The following DPP9 variants were observed in gnomAD, a reference collection of about 807,000 sequenced individuals.
The protein encoded by DPP9 is dipeptidyl peptidase 9.
Under a neutral mutation model 110.7 loss-of-function variants are expected in DPP9, and 50 were observed. That is an observed-to-expected ratio of 0.45 (90% CI 0.36 to 0.57). The LOEUF (loss-of-function observed/expected upper bound fraction) is 0.57. Among genes scored for constraint, DPP9 ranks in the 20% least tolerant of loss-of-function variants. DPP9 has a pLI of 0.00. For synonymous variants in DPP9, 561 were observed against 514.4 expected, an observed-to-expected ratio of 1.09 and a Z score of -1.23; for missense variants, 1,022 against 1,217.9, an observed-to-expected ratio of 0.84 and a Z score of 2.39.
Position 4,682,138 on chromosome 19 carries a change from G to A in DPP9, c.2474+558C>T, listed in dbSNP as rs140682646. On this transcript the variant is annotated intron_variant, in intron 20 of 21. Coordinates refer to ENST00000262960, the MANE Select transcript of DPP9 (RefSeq NM_139159.5). This position sits in a 1 kb window ranked among gnomAD's most constrained non-coding sequence, Gnocchi z 7.1. Reference sequence around the variant, plus strand: ...GCTGGGATTACAGGAGTGAGCCACCGCGCCCGGCCCATGCCCAGGCAGATT... The same window carrying A: ...GCTGGGATTACAGGAGTGAGCCACCACGCCCGGCCCATGCCCAGGCAGATT... 1.7e-3 allele frequency among the ~76,000 whole-genome samples: 255 copies of A among 152,228 alleles called. 2 individuals are homozygous for A. In the East Asian group the frequency reaches 0.022, roughly 13 times the overall value.
At chr19:4,720,520 G>A (rs1467942) in intron 2 of DPP9, among the ~76,000 whole-genome samples, 95,627 of 151,346 alleles carry the variant, frequency 0.63, 30,457 homozygotes, top group Middle Eastern at 0.77. Context: ...ATGCTACCTG[G>A]CGACCCCCAT....
In DPP9 at chr19:4,682,184, C is replaced by T. The variant is rs2089998935; in HGVS notation, c.2474+512G>A. Among the ~76,000 whole-genome samples, 3 of 152,120 alleles carry T rather than the reference C, an allele frequency of 2.0e-5. No individual in the cohort carries two copies. Among genetic ancestry groups the T allele is most frequent in the African/African-American group, 7.2e-5 (3 of 41,412 alleles). On this transcript the variant is annotated intron_variant, in intron 20 of 21. Coordinates refer to ENST00000262960, the MANE Select transcript of DPP9 (RefSeq NM_139159.5). The surrounding 1 kb of genome is among the most constrained non-coding windows in gnomAD (Gnocchi z 7.1). ...AGATTTTTAACCCCCTAGGTGACTG[C>T]ATGGGATTCCGGGGAACATTTTCTG...
Position 4,693,542 on chromosome 19 carries a change from C to T in DPP9, c.1516+1119G>A, listed in dbSNP as rs533687611. Among the ~76,000 whole-genome samples the T allele has an allele frequency of 6.6e-6, 1 of 152,282 alleles. No homozygotes were observed. Among genetic ancestry groups the T allele is most frequent in the South Asian group, 2.1e-4 (1 of 4,832 alleles). On this transcript the variant is annotated intron_variant, in intron 13 of 21. Coordinates refer to ENST00000262960, the MANE Select transcript of DPP9 (RefSeq NM_139159.5). This position sits in a 1 kb window ranked among gnomAD's most constrained non-coding sequence, Gnocchi z 5.0. ...GGAGCCCTCCGGGCATCCATGCCGCCTCCCTCCTCTCTGATCCCCCACCCT... is the reference window on the plus strand; with the variant it reads ...GGAGCCCTCCGGGCATCCATGCCGCTTCCCTCCTCTCTGATCCCCCACCCT...
At position 4,684,099 on chromosome 19, in the gene DPP9, C is replaced by T. The variant is rs1313658628; in HGVS notation, c.2179-470G>A. ...TCCGTGCTGAGATCACTACTGCGGC[C>T]TTCAAGCGACTGATCCATGGGGCCC... On this transcript the variant is annotated intron_variant, in intron 18 of 21. Transcript: ENST00000262960. This position sits in a 1 kb window ranked among gnomAD's most constrained non-coding sequence, Gnocchi z 4.8. The T allele has an allele frequency of 9.2e-6, 3 of 325,828 alleles. No individual in the cohort carries two copies. The highest frequency in any genetic ancestry group is 4.0e-5 in the Admixed American group (1 of 25,046). The allele number at this position is 325,828 out of a possible 1,614,324, so 20.2% of individuals were successfully genotyped here. A position where few individuals can be genotyped will look rare whatever the true frequency, so the allele number is the denominator to read the frequency against.
At chr19:4,705,084 G>C (rs368514056) in intron 5 of DPP9, among the ~76,000 whole-genome samples, 1 of 152,194 alleles carries the variant, frequency 6.6e-6, no homozygotes, top group Admixed American at 6.5e-5. Flanking sequence ...TGGGGACTCA[G>C]AGACAGGCCA....
chr19:4,710,612 C>T lies in DPP9; in HGVS notation c.313+3469G>A, dbSNP rs1024516230. 6.6e-6 allele frequency among the ~76,000 whole-genome samples: 1 copy of T among 152,220 alleles called. No individual in the cohort carries two copies. The highest frequency in any genetic ancestry group is 1.5e-5 in the Non-Finnish European group (1 of 68,040). Reference sequence around the variant, plus strand: ...TAGCTCCACATGCCCCACAGCAAACCTGGTGCCTGCTGAGGGGACAGGTCC... The same window carrying T: ...TAGCTCCACATGCCCCACAGCAAACTTGGTGCCTGCTGAGGGGACAGGTCC... On this transcript the variant is annotated intron_variant, in intron 4 of 21. Coordinates refer to ENST00000262960, the MANE Select transcript of DPP9 (RefSeq NM_139159.5). The surrounding 1 kb of genome is among the most constrained non-coding windows in gnomAD (Gnocchi z 5.6).
At chr19:4,691,914 G>A (rs999517078) in intron 13 of DPP9, among the ~76,000 whole-genome samples, 1 of 151,920 alleles carries the variant, frequency 6.6e-6, no homozygotes, top group African/African-American at 2.4e-5. Flanking sequence ...CTGACCTCAG[G>A]TGATCCACCT....
At position 4,675,339 on chromosome 19, in the gene DPP9, C is replaced by CTTTTTTTTTTTTTTTTTTT. The variant is rs369204147; in HGVS notation, c.*1224_*1225insAAAAAAAAAAAAAAAAAAA. On this transcript the variant is annotated 3_prime_UTR_variant, in exon 22 of 22. Transcript: ENST00000262960. ...CATAATATGTAGAGGTGGTTTGTTT[C>CTTTTTTTTTTTTTTTTTTT]TTTTTTTTTTTTTTCTTTTCTTTTT... 1.4e-5 allele frequency: 2 copies of CTTTTTTTTTTTTTTTTTTT among 140,180 alleles called. No individual in the cohort carries two copies. Among genetic ancestry groups the CTTTTTTTTTTTTTTTTTTT allele is most frequent in the Non-Finnish European group, 3.1e-5 (2 of 64,158 alleles). 8.7% of individuals were successfully genotyped at this position (140,180 alleles called of 1,614,324 possible). A position where few individuals can be genotyped will look rare whatever the true frequency, so the allele number is the denominator to read the frequency against.
At position 4,697,595 on chromosome 19, in the gene DPP9, C is replaced by T. The variant is rs372083683; in HGVS notation, c.1131G>A (p.Lys377=). The T allele has an allele frequency of 6.8e-6, 11 of 1,613,806 alleles. No homozygotes were observed. The highest frequency in any genetic ancestry group is 9.3e-6 in the Non-Finnish European group (11 of 1,179,874). ...LVQPFSSLFP[K]VEYIARAGWT... ...ACCCGGCCCTGGCGATGTACTCCAC[C>T]TTCGGGAACAGCGAGCTGAAGGGCT... is the stretch of plus-strand genomic sequence containing the variant. Residue 377 remains lysine, a synonymous_variant, in exon 11 of 22, where the codon AAG becomes AAA. Transcript: ENST00000262960.
At chr19:4,703,681 A>AG (rs745734189) in intron 7 of DPP9, among the ~76,000 whole-genome samples, 2 of 150,984 alleles carry the variant, frequency 1.3e-5, no homozygotes, top group Non-Finnish European at 2.9e-5. Context: ...AAAAAAAAAA[A>AG]AAAGAAAGAA....
chr19:4,691,970 G>A (rs561498146), intron 13 of DPP9, among the ~76,000 whole-genome samples: 3 of 152,028 alleles, frequency 2.0e-5, no homozygotes, highest in East Asian at 3.9e-4. Context: ...GAGCCACTGC[G>A]CCTGGCCGAC....
intron 7 of DPP9, 129 bp from the exon 8 acceptor site, chr19:4,702,845 AG>A (rs2092360910): frequency 1.4e-5 from 1 of 73,326 alleles, no homozygotes; most frequent in Non-Finnish European, 2.7e-5. Flanking sequence ...GGAGAGGGGG[AG>A]GGAGAGGGAG....
At chr19:4,691,969 C>T (rs1306709986) in intron 13 of DPP9, among the ~76,000 whole-genome samples, 1 of 151,954 alleles carries the variant, frequency 6.6e-6, no homozygotes, top group Non-Finnish European at 1.5e-5. Flanking sequence ...CGAGCCACTG[C>T]GCCTGGCCGA....
intron 3 of DPP9, among the ~76,000 whole-genome samples, chr19:4,717,244 G>C (rs537752134): frequency 3.2e-4 from 48 of 152,302 alleles, no homozygotes; most frequent in Non-Finnish European, 8.8e-5. Context: ...AGCACTTACA[G>C]GGCTCTCAGG....
rs1001303597 is a variant in DPP9 at position 4,684,395 on chromosome 19, G to A, written c.2178+268C>T. 1.6e-5 allele frequency: 8 copies of A among 504,156 alleles called. No homozygotes were observed. The highest frequency in any genetic ancestry group is 2.9e-5 in the Non-Finnish European group (8 of 279,956). 31.2% of individuals were successfully genotyped at this position (504,156 alleles called of 1,614,324 possible). On this transcript the variant is annotated intron_variant, in intron 18 of 21. Coordinates refer to ENST00000262960, the MANE Select transcript of DPP9 (RefSeq NM_139159.5). This position sits in a 1 kb window ranked among gnomAD's most constrained non-coding sequence, Gnocchi z 4.8. Reference sequence around the variant, plus strand: ...GGGTTTTGTTCCAGCAGTGCAAAGGGGCCGAGATGATCGCCATCACCACCG... The same window carrying A: ...GGGTTTTGTTCCAGCAGTGCAAAGGAGCCGAGATGATCGCCATCACCACCG...
intron 19 of DPP9, 164 bp from the exon 20 acceptor site, chr19:4,683,002 G>A (rs1403400780): frequency 8.5e-6 from 13 of 1,528,582 alleles, no homozygotes; most frequent in East Asian, 4.9e-5. Flanking sequence ...CGTGGCCCCC[G>A]TGGACGGTGC....
At chr19:4,677,223 G>A (rs1372430780) in intron 21 of DPP9, among the ~76,000 whole-genome samples, 2 of 152,158 alleles carry the variant, frequency 1.3e-5, no homozygotes, top group Non-Finnish European at 2.9e-5. Context: ...GCCAACGCCA[G>A]GCCTGGGGGT....
Position 4,676,542 on chromosome 19 carries a change from T to A in DPP9, c.*22A>T, listed in dbSNP as rs561709451. 1.1e-5 allele frequency: 18 copies of A among 1,581,686 alleles called. No individual in the cohort carries two copies. In the East Asian group the frequency reaches 3.9e-4, roughly 35 times the overall value. On this transcript the variant is annotated 3_prime_UTR_variant, in exon 22 of 22. Transcript: ENST00000262960. The surrounding 1 kb of genome is among the most constrained non-coding windows in gnomAD (Gnocchi z 4.0). ...GGCTGCAGCCACTTGTGCTGTGATG[T>A]GGCGGCTCCCGGTGGGCAGGCTCAG...
intron 21 of DPP9, 106 bp downstream of exon 21, chr19:4,679,729 C>T: frequency 1.2e-6 from 1 of 838,102 alleles, no homozygotes; most frequent in Non-Finnish European, 1.9e-6. Flanking sequence ...CCAGATCCCC[C>T]AGGGAGCCCC....
Sources: allele counts gnomAD v4.1 joint callset (sites outside exome capture counted in the v4.1 genomes callset), GRCh38; gene constraint gnomAD v4.1.1; non-coding constraint Gnocchi (gnomAD v3.1); transcripts MANE v1.5; gene names NCBI Gene and HGNC (gene_info 2026-07-23, HGNC 2026-07-21).